The following POPDC3 variants were observed in gnomAD, a reference collection of about 807,000 sequenced individuals.
POPDC3 encodes the protein popeye domain-containing protein 3.
Under a neutral mutation model 28.2 loss-of-function variants are expected in POPDC3, and 20 were observed. That is an observed-to-expected ratio of 0.71 (90% CI 0.50 to 1.03). POPDC3 has a LOEUF of 1.03. Ranked by LOEUF, POPDC3 falls within the 50% of genes least tolerant of loss-of-function variation. POPDC3 has a pLI of 0.00. For missense variants in POPDC3, 316 were observed against 345.9 expected (o/e 0.91, Z 0.69); for synonymous variants, 118 against 124.1 (o/e 0.95, Z 0.33).
At chr6:105,177,169 C>T (rs2114551144) in intron 1 of POPDC3, 1 of 162,868 alleles carries the variant, frequency 6.1e-6, no homozygotes, top group Middle Eastern at 3.2e-3. Context: ...TGAAGACTGC[C>T]ATGGATTGTT....
intron 1 of POPDC3, among the ~76,000 whole-genome samples, chr6:105,171,649 C>T (rs985118245): frequency 1.1e-4 from 16 of 151,476 alleles, no homozygotes; most frequent in Non-Finnish European, 1.6e-4. Flanking sequence ...CCAGCCTGAG[C>T]GACAGAGAAA....
At chr6:105,160,689 C>A (rs1271974857) in intron 2 of POPDC3, among the ~76,000 whole-genome samples, 1 of 151,988 alleles carries the variant, frequency 6.6e-6, no homozygotes, top group African/African-American at 2.4e-5. Flanking sequence ...GCCTCCCACG[C>A]TCAAGCAGTT....
In POPDC3 at chr6:105,159,805, A is replaced by C; in HGVS notation, c.500T>G (p.Val167Gly). ...LLVSGRIRVT[V>G]DGEFLHYIFP... ...AATGTAATGCAGAAATTCGCCATCA[A>C]CTGTCACTCTGATCCTATCAAAACA... Residue 167 changes from valine (V) to glycine (G), a missense_variant, in exon 3 of 4, where the codon GTT becomes GGT. Val to Gly is a moderately radical substitution (Grantham distance 109, BLOSUM62 -3). Transcript: ENST00000254765. 2 of 1,612,164 alleles carry C rather than the reference A, an allele frequency of 1.2e-6. No homozygotes were observed. Among genetic ancestry groups the C allele is most frequent in the Non-Finnish European group, 1.7e-6 (2 of 1,178,482 alleles).
intron 1 of POPDC3, among the ~76,000 whole-genome samples, chr6:105,173,636 A>T (rs1582997745): frequency 6.6e-6 from 1 of 152,212 alleles, no homozygotes; most frequent in East Asian, 1.9e-4. Context: ...GAATCCAAAT[A>T]TCCTCATATC....
At position 105,174,934 on chromosome 6, in the gene POPDC3, T is replaced by A. The variant is rs1460653855; in HGVS notation, c.-252+4899A>T. Among the ~76,000 whole-genome samples, 4 of 151,986 alleles carry A rather than the reference T, an allele frequency of 2.6e-5. 1 individual carries two copies. The highest frequency in any genetic ancestry group is 5.9e-5 in the Non-Finnish European group (4 of 67,984). ...CTGTAATCCCAGCACTTTGGGAGGC[T>A]GAGGCTGGTGGATCACGAGGTCAGG... On this transcript the variant is annotated intron_variant, in intron 1 of 3. Coordinates refer to ENST00000254765, the MANE Select transcript of POPDC3 (RefSeq NM_022361.5).
At chr6:105,163,020 C>T (rs1306295546) in intron 1 of POPDC3, among the ~76,000 whole-genome samples, 2 of 152,160 alleles carry the variant, frequency 1.3e-5, no homozygotes, top group African/African-American at 2.4e-5. Flanking sequence ...TGGGTCCAAT[C>T]GTGTGGCCTC....
In POPDC3 at chr6:105,174,025, A is replaced by C. The variant is rs376236576; in HGVS notation, c.-252+5808T>G. Among the ~76,000 whole-genome samples the C allele has an allele frequency of 5.3e-5, 8 of 152,294 alleles. No homozygotes were observed. In the East Asian group the frequency reaches 1.4e-3, roughly 26 times the overall value. Reference sequence around the variant, plus strand: ...GGATACTTTAGGACTCCGGGCAGAAAAAGCAAATCAATTGCAAGGAAGAAA... The same window carrying C: ...GGATACTTTAGGACTCCGGGCAGAACAAGCAAATCAATTGCAAGGAAGAAA... On this transcript the variant is annotated intron_variant, in intron 1 of 3. Coordinates refer to ENST00000254765, the MANE Select transcript of POPDC3 (RefSeq NM_022361.5).
At chr6:105,174,545 C>T (rs908877293) in intron 1 of POPDC3, among the ~76,000 whole-genome samples, 3 of 152,190 alleles carry the variant, frequency 2.0e-5, no homozygotes, top group Admixed American at 2.0e-4. Flanking sequence ...ACACGTTTGA[C>T]TTACAGTTTC....
At chr6:105,172,229 G>C (rs1370773670) in intron 1 of POPDC3, among the ~76,000 whole-genome samples, 2 of 151,238 alleles carry the variant, frequency 1.3e-5, no homozygotes, top group African/African-American at 4.9e-5. Context: ...CGAAGGAGAT[G>C]AACAGACACT....
Position 105,159,719 on chromosome 6 carries a change from T to C in POPDC3, c.586A>G (p.Ile196Val). 6.2e-7 allele frequency: 1 copy of C among 1,601,566 alleles called. No homozygotes were observed. Among genetic ancestry groups the C allele is most frequent in the Middle Eastern group, 1.7e-4 (1 of 6,048 alleles). Reference protein sequence around the residue: ...WDSLRPTEEGIFQVTLTAETD... With the variant: ...WDSLRPTEEGVFQVTLTAETD... ...GTTCTGGTATCCCTTACCTGAAAAA[T>C]GCCTTCCTCTGTGGGTCTCAGTGAA... is the stretch of plus-strand genomic sequence containing the variant. Residue 196 changes from isoleucine to valine, a missense_variant, in exon 3 of 4, where the codon ATT becomes GTT. By Grantham distance (29) the Ile-to-Val change is conservative (BLOSUM62 3). Coordinates refer to ENST00000254765, the MANE Select transcript of POPDC3 (RefSeq NM_022361.5).
chr6:105,167,597 A>G lies in POPDC3; in HGVS notation c.-251-5437T>C, dbSNP rs144193330. Among the ~76,000 whole-genome samples the G allele has an allele frequency of 4.6e-3, 706 of 152,148 alleles. 6 individuals carry two copies. Among genetic ancestry groups the G allele is most frequent in the African/African-American group, 0.016 (674 of 41,514 alleles). ...CCCCGTCTCTACTAAAAATACAAAA[A>G]TTAGCCAGATGTGATGGTGGGTGCC... On this transcript the variant is annotated intron_variant, in intron 1 of 3. Coordinates refer to ENST00000254765, the MANE Select transcript of POPDC3 (RefSeq NM_022361.5).
At chr6:105,166,868 TTGTGTG>T (rs5878839) in intron 1 of POPDC3, among the ~76,000 whole-genome samples, 29 of 149,026 alleles carry the variant, frequency 1.9e-4, no homozygotes, top group South Asian at 1.1e-3. Context: ...ACATAGATGG[TTGTGTG>T]TGTGTGTGTG....
In POPDC3 at chr6:105,172,928, G is replaced by A. The variant is rs557919445; in HGVS notation, c.-252+6905C>T. Among the ~76,000 whole-genome samples, 12 of 151,452 alleles carry A rather than the reference G, an allele frequency of 7.9e-5. No individual in the cohort carries two copies. The South Asian group carries it at 1.5e-3, about 18-fold the overall frequency. The stretch of plus-strand genomic sequence containing the variant: ...GGAGGGATAGCATTAGGAGATATAC[G>A]TAGTGCTAAATGACGAGTCAATGGG... On this transcript the variant is annotated intron_variant, in intron 1 of 3. Transcript: ENST00000254765.
chr6:105,167,576 G>A (rs1047983866), intron 1 of POPDC3, among the ~76,000 whole-genome samples: 14 of 151,812 alleles, frequency 9.2e-5, no homozygotes, highest in Admixed American at 3.3e-4. Context: ...GTGAGACCCC[G>A]TCTCTACTAA....
In POPDC3 at chr6:105,172,780, G is replaced by C. The variant is rs375546510; in HGVS notation, c.-252+7053C>G. On this transcript the variant is annotated intron_variant, in intron 1 of 3. Coordinates refer to ENST00000254765, the MANE Select transcript of POPDC3 (RefSeq NM_022361.5). Reference sequence around the variant, plus strand: ...AAACCATCATTCTCAGCAAACTATTGCAAGGACAAAAAACCAAACACCGCA... The same window carrying C: ...AAACCATCATTCTCAGCAAACTATTCCAAGGACAAAAAACCAAACACCGCA... 8.1e-3 allele frequency among the ~76,000 whole-genome samples: 1,153 copies of C among 142,316 alleles called. 36 individuals are homozygous for C. The highest frequency in any genetic ancestry group is 0.013 in the Non-Finnish European group (829 of 64,074). The allele number at this position is 142,316 out of a possible 152,430, so 93.4% of individuals were successfully genotyped here.
chr6:105,162,229 AT>A, intron 1 of POPDC3, 69 bp from the exon 2 acceptor site: 2 of 913,388 alleles, frequency 2.2e-6, no homozygotes, highest in Non-Finnish European at 2.7e-6. Context: ...ATATTTAATG[AT>A]CAGCAGCATT....
At chr6:105,166,755 A>T in intron 1 of POPDC3, 1 of 428,720 alleles carries the variant, frequency 2.3e-6, no homozygotes, top group South Asian at 1.7e-5. Context: ...CCTCCATCAT[A>T]GATTGTGTCA....
chr6:105,175,094 G>T (rs1774657189), intron 1 of POPDC3, among the ~76,000 whole-genome samples: 1 of 151,964 alleles, frequency 6.6e-6, no homozygotes, highest in Admixed American at 6.6e-5. Context: ...TTGAACCCGG[G>T]AGGCTGAGGT....
At chr6:105,170,383 T>C (rs1774551955) in intron 1 of POPDC3, among the ~76,000 whole-genome samples, 1 of 152,364 alleles carries the variant, frequency 6.6e-6, no homozygotes, top group Admixed American at 6.5e-5. Flanking sequence ...GTGACCTATA[T>C]GCAGAAAATG....
Sources: allele counts gnomAD v4.1 joint callset (sites outside exome capture counted in the v4.1 genomes callset), GRCh38; gene constraint gnomAD v4.1.1; transcripts MANE v1.5; gene names NCBI Gene and HGNC (gene_info 2026-07-23, HGNC 2026-07-21).